The following NRXN3 variants were observed in gnomAD, a reference collection of about 807,000 sequenced individuals.
NRXN3 encodes neurexin III.
A neutral mutation model predicts 137.6 loss-of-function variants in NRXN3; 32 were observed. The observed-to-expected ratio is 0.23, with a 90% confidence interval of 0.18 to 0.31. The LOEUF is 0.31. Among genes scored for constraint, NRXN3 ranks in the 10% least tolerant of loss-of-function variants. NRXN3 has a pLI of 1.00. For missense variants in NRXN3, 1,574 were observed against 2,062.5 expected (o/e 0.76, Z 4.59); for synonymous variants, 798 against 784.5 (o/e 1.02, Z -0.29).
In NRXN3 at chr14:79,191,535, T is replaced by G. The variant is rs142497882; in HGVS notation, c.3262+203394T>G. 2.0e-3 allele frequency among the ~76,000 whole-genome samples: 307 copies of G among 152,294 alleles called. 1 individual carries two copies. Among genetic ancestry groups the G allele is most frequent in the African/African-American group, 6.4e-3 (266 of 41,558 alleles). ...ACTTACATTGGGGTCTTGGCATAATTTGTCTCCTGACAAAGAGAAAATAGA... is the reference window on the plus strand; with the variant it reads ...ACTTACATTGGGGTCTTGGCATAATGTGTCTCCTGACAAAGAGAAAATAGA... On this transcript the variant is annotated intron_variant, in intron 15 of 20. Transcript: ENST00000335750.
At chr14:78,223,414 T>A (rs2064088275) in intron 1 of NRXN3, among the ~76,000 whole-genome samples, 1 of 152,246 alleles carries the variant, frequency 6.6e-6, no homozygotes, top group Non-Finnish European at 1.5e-5. Flanking sequence ...TTCTGCTGGA[T>A]CAATTCTTGT....
At chr14:78,634,323 CTG>C (rs2097548518) in intron 4 of NRXN3, among the ~76,000 whole-genome samples, 1 of 152,208 alleles carries the variant, frequency 6.6e-6, no homozygotes, top group South Asian at 2.1e-4. Context: ...TTTAGAATCA[CTG>C]TGACCAACTC....
chr14:79,272,943 C>T (rs991588013), intron 15 of NRXN3, among the ~76,000 whole-genome samples: 13 of 151,968 alleles, frequency 8.6e-5, no homozygotes, highest in African/African-American at 2.7e-4. Context: ...GAGGCCAAGA[C>T]GAGCGGATCA....
chr14:78,522,638 CA>C (rs2096301160), intron 4 of NRXN3, among the ~76,000 whole-genome samples: 1 of 151,980 alleles, frequency 6.6e-6, no homozygotes, highest in African/African-American at 2.4e-5. Context: ...TCCTTTATTC[CA>C]AAACTCATTT....
chr14:78,747,014 G>A (rs1050617625), intron 8 of NRXN3, among the ~76,000 whole-genome samples: 1 of 152,146 alleles, frequency 6.6e-6, no homozygotes, highest in African/African-American at 2.4e-5. Flanking sequence ...CCACTTGGGA[G>A]GAGTAGGTAA....
intron 15 of NRXN3, among the ~76,000 whole-genome samples, chr14:79,140,218 A>G (rs1336083163): frequency 6.6e-6 from 1 of 152,158 alleles, no homozygotes; most frequent in Admixed American, 6.6e-5. Flanking sequence ...ACAAAACTGG[A>G]AAAATTACTG....
chr14:79,815,204 A>G (rs556761510), intron 20 of NRXN3, among the ~76,000 whole-genome samples: 2 of 152,330 alleles, frequency 1.3e-5, no homozygotes, highest in African/African-American at 4.8e-5. Context: ...TTGATGCTTT[A>G]CTTGGAAGGA....
chr14:79,118,134 A>G (rs147497765), intron 15 of NRXN3, among the ~76,000 whole-genome samples: 19 of 151,354 alleles, frequency 1.3e-4, no homozygotes, highest in Admixed American at 4.6e-4. Flanking sequence ...TGGGGAACAC[A>G]CATCATCCAC....
chr14:79,002,127 C>T (rs1005879320), intron 15 of NRXN3, among the ~76,000 whole-genome samples: 4 of 152,046 alleles, frequency 2.6e-5, no homozygotes, highest in African/African-American at 4.8e-5. Flanking sequence ...CGTAGGGTTA[C>T]TGGGATTAGA....
chr14:78,727,558 C>T (rs2098491592), intron 8 of NRXN3, among the ~76,000 whole-genome samples: 1 of 152,158 alleles, frequency 6.6e-6, no homozygotes, highest in Non-Finnish European at 1.5e-5. Context: ...GCCTGACCAA[C>T]ATGGGGAAAC....
chr14:79,852,239 A>G (rs2099393143), intron 20 of NRXN3, among the ~76,000 whole-genome samples: 1 of 108,970 alleles, frequency 9.2e-6, no homozygotes, highest in Non-Finnish European at 1.9e-5. Flanking sequence ...CTCCCAACAC[A>G]CACACACACA....
chr14:78,893,098 C>G (rs2152709627), intron 10 of NRXN3, among the ~76,000 whole-genome samples: 1 of 151,914 alleles, frequency 6.6e-6, no homozygotes, highest in East Asian at 2.0e-4. Flanking sequence ...GCTTGGCCAC[C>G]CACCTTCCTT....
intron 19 of NRXN3, among the ~76,000 whole-genome samples, chr14:79,726,065 G>T (rs769600160): frequency 6.6e-6 from 1 of 152,072 alleles, no homozygotes; most frequent in Non-Finnish European, 1.5e-5. Context: ...CTTTTCAAAG[G>T]ATAAACTCCC....
At chr14:79,404,949 T>TG (rs2095280617) in intron 15 of NRXN3, among the ~76,000 whole-genome samples, 1 of 151,690 alleles carries the variant, frequency 6.6e-6, no homozygotes, top group Admixed American at 6.6e-5. Context: ...AGCCAGTGGG[T>TG]GGTGGTGAGA....
chr14:79,375,153 G>A (rs554370100), intron 15 of NRXN3, among the ~76,000 whole-genome samples: 1 of 152,022 alleles, frequency 6.6e-6, no homozygotes, highest in South Asian at 2.1e-4. Context: ...AGCGAGTCAG[G>A]AGAAGAGGGG....
At chr14:79,846,952 G>A (rs1203148888) in intron 20 of NRXN3, among the ~76,000 whole-genome samples, 1 of 152,158 alleles carries the variant, frequency 6.6e-6, no homozygotes, top group Non-Finnish European at 1.5e-5. Flanking sequence ...ACAATGTCTA[G>A]TCACTTAACC....
At chr14:78,925,383 G>A (rs966177192) in intron 10 of NRXN3, among the ~76,000 whole-genome samples, 1 of 152,128 alleles carries the variant, frequency 6.6e-6, no homozygotes, top group Non-Finnish European at 1.5e-5. Context: ...TAAAAGCTCA[G>A]CTTTTGCCTT....
rs545060948 is a variant in NRXN3, at chr14:79,756,900, C to T, written c.4015-48212C>T. ...GGAAAACAAAGAATAGAATGTTTTC[C>T]GACAATCCTTGCTTTTGTGAGTGGT... On this transcript the variant is annotated intron_variant, in intron 19 of 20. Coordinates refer to ENST00000335750, the MANE Select transcript of NRXN3 (RefSeq NM_001330195.2). Among the ~76,000 whole-genome samples, 11 of 152,232 alleles carry T rather than the reference C, an allele frequency of 7.2e-5. 1 individual carries two copies. The highest frequency in any genetic ancestry group is 6.2e-4 in the South Asian group (3 of 4,820).
intron 15 of NRXN3, among the ~76,000 whole-genome samples, chr14:79,307,963 T>C (rs1598514132): frequency 6.6e-6 from 1 of 152,056 alleles, no homozygotes; most frequent in South Asian, 2.1e-4. Flanking sequence ...TGGAGCATTG[T>C]TTTCTCTGAG....
Sources: gnomAD v4.1 joint callset for allele counts (sites outside exome capture counted in the v4.1 genomes callset) on GRCh38, gnomAD v4.1.1 for gene constraint, MANE v1.5 for transcripts, NCBI Gene and HGNC (gene_info 2026-07-23, HGNC 2026-07-21) for gene names.